Variants in ABCC9 observed in about 807,000 individuals in gnomAD.
ABCC9 encodes ATP-binding cassette sub-family C member 9.
A neutral mutation model predicts 188.3 loss-of-function variants in ABCC9; 95 were observed. The observed-to-expected ratio is 0.50, with a 90% CI of 0.43 to 0.60. ABCC9 has a LOEUF of 0.60. ABCC9 is among the 20% of genes least tolerant of loss of function. The pLI is 0.00. For synonymous variants in ABCC9, 659 were observed against 652.7 expected (o/e 1.01, Z -0.15); for missense variants, 1,102 against 1,876.3 (o/e 0.59, Z 7.62).
At chr12:21,854,170 A>C (rs950654819) in intron 22 of ABCC9, among the ~76,000 whole-genome samples, 2 of 152,258 alleles carry the variant, frequency 1.3e-5, no homozygotes, top group African/African-American at 4.8e-5. Flanking sequence ...AATAATGAAC[A>C]AAACAAAAGT....
At chr12:21,875,361 G>C (rs1265054348) in intron 17 of ABCC9, among the ~76,000 whole-genome samples, 5 of 152,028 alleles carry the variant, frequency 3.3e-5, no homozygotes, top group Non-Finnish European at 7.4e-5. Flanking sequence ...TTTCTTTAAA[G>C]TGTTTCTCAA....
At chr12:21,830,220 G>A (rs974988360) in intron 30 of ABCC9, among the ~76,000 whole-genome samples, 5 of 152,112 alleles carry the variant, frequency 3.3e-5, no homozygotes, top group African/African-American at 1.2e-4. Context: ...AGAAATTCAT[G>A]TTACATGGTA....
At chr12:21,891,220 C>T (rs554322884) in intron 14 of ABCC9, among the ~76,000 whole-genome samples, 3 of 152,088 alleles carry the variant, frequency 2.0e-5, no homozygotes, top group Non-Finnish European at 4.4e-5. Context: ...AATGAATGCA[C>T]ATCCACAGAA....
At chr12:21,855,460 G>T (rs1481919109) in intron 22 of ABCC9, among the ~76,000 whole-genome samples, 4 of 152,080 alleles carry the variant, frequency 2.6e-5, no homozygotes, top group African/African-American at 7.2e-5. Flanking sequence ...GATCTCAACT[G>T]GTCTGCCTGC....
At chr12:21,868,982 T>C (rs1269054203) in intron 18 of ABCC9, among the ~76,000 whole-genome samples, 2 of 152,208 alleles carry the variant, frequency 1.3e-5, no homozygotes, top group African/African-American at 4.8e-5. Context: ...TCCTAAAATA[T>C]GTTTTATCAG....
At chr12:21,915,622 G>A in intron 7 of ABCC9, 46 bp downstream of exon 7, 2 of 1,602,762 alleles carry the variant, frequency 1.2e-6, no homozygotes, top group Non-Finnish European at 1.7e-6. Flanking sequence ...ATGCCAACAG[G>A]ACCATTCTCT....
rs1347920700 is a variant in ABCC9, at chr12:21,913,077, A to C, written c.817-11T>G. 1 of 1,594,400 alleles carries C rather than the reference A, an allele frequency of 6.3e-7. No homozygotes were observed. The highest frequency in any genetic ancestry group is 2.2e-5 in the East Asian group (1 of 44,600). On this transcript the variant is annotated splice_polypyrimidine_tract_variant and intron_variant, in intron 7 of 39. Coordinates refer to ENST00000261200, the MANE Select transcript of ABCC9 (RefSeq NM_020297.4). ...ATCTGCAACTTTTTTCTGAAGAAAA[A>C]AAAAAGAAAAAAAAAACAGATGTAA...
chr12:21,852,069 T>G lies in ABCC9; in HGVS notation c.2769+28A>C, dbSNP rs2307024. 647,447 of 1,611,748 alleles carry G rather than the reference T, an allele frequency of 0.4. 132,466 individuals are homozygous for G. Among genetic ancestry groups the G allele is most frequent in the South Asian group, 0.48 (43,542 of 90,990 alleles). On this transcript the variant is annotated intron_variant, in intron 24 of 39. Transcript: ENST00000261200. The stretch of plus-strand genomic sequence containing the variant: ...TTTCTAACTCTTCTGAATTGGGCTC[T>G]GAACTCTTCTGAACTATGAGCACTT...
chr12:21,928,431 AAAAG>A lies in ABCC9; in HGVS notation c.285-2372_285-2369del, dbSNP rs1283924293. Among the ~76,000 whole-genome samples the A allele has an allele frequency of 5.8e-4, 80 of 139,106 alleles. No homozygotes were observed. The East Asian group carries it at 0.015, about 26-fold the overall frequency. The allele number at this position is 139,106 out of a possible 152,430, so 91.3% of individuals were successfully genotyped here. ...AGGAAGGAAGGAAAGAAGAAAGAAAAAAAGAAAAGAAAAGAAGGGAGGGAGGAAG... is the reference window on the plus strand; with the variant it reads ...AGGAAGGAAGGAAAGAAGAAAGAAAAAAAAGAAAAGAAGGGAGGGAGGAAG... On this transcript the variant is annotated intron_variant, in intron 4 of 39. Transcript: ENST00000261200.
chr12:21,877,639 C>T (rs1415645603), intron 16 of ABCC9, among the ~76,000 whole-genome samples: 1 of 152,042 alleles, frequency 6.6e-6, no homozygotes, highest in Non-Finnish European at 1.5e-5. Context: ...CTAAGAGAGA[C>T]CCTACATGAC....
At chr12:21,850,819 CA>C (rs2137432032) in intron 24 of ABCC9, among the ~76,000 whole-genome samples, 2 of 152,242 alleles carry the variant, frequency 1.3e-5, no homozygotes, top group African/African-American at 4.8e-5. Flanking sequence ...TCCCACAGCA[CA>C]ATTCCTAAGC....
rs544924048 is a variant in ABCC9, at chr12:21,935,254, T to C, written c.142+1279A>G. ...AGTTAAAAAATCCATTTTTCTACTT[T>C]TGGCCAAAGGGCGTTCTTCATGGCC... On this transcript the variant is annotated intron_variant, in intron 3 of 39. Transcript: ENST00000261200. 5.9e-5 allele frequency among the ~76,000 whole-genome samples: 9 copies of C among 152,300 alleles called. No individual in the cohort carries two copies. In the East Asian group the frequency reaches 1.5e-3, roughly 26 times the overall value.
chr12:21,805,062 C>T, intron 39 of ABCC9: 7 of 1,436,816 alleles, frequency 4.9e-6, no homozygotes, highest in Non-Finnish European at 6.8e-6. Flanking sequence ...GCAGTTAGTT[C>T]CCTCATCTCA....
At chr12:21,867,757 A>G (rs1432030108) in intron 18 of ABCC9, among the ~76,000 whole-genome samples, 1 of 150,792 alleles carries the variant, frequency 6.6e-6, no homozygotes, top group Non-Finnish European at 1.5e-5. Flanking sequence ...ATGTTGGGAG[A>G]TAGAATGTCA....
At chr12:21,911,846 A>C (rs1948339566) in intron 8 of ABCC9, among the ~76,000 whole-genome samples, 1 of 152,008 alleles carries the variant, frequency 6.6e-6, no homozygotes, top group African/African-American at 2.4e-5. Flanking sequence ...TTAGGCTAGT[A>C]GGGACAAAAC....
At chr12:21,875,839 CT>C in intron 16 of ABCC9, 113 bp from the exon 17 acceptor site, 1 of 764,442 alleles carries the variant, frequency 1.3e-6, no homozygotes, top group Non-Finnish European at 2.2e-6. Flanking sequence ...AATCACAGCA[CT>C]TTGGGAGACC....
At chr12:21,893,176 A>G (rs903574879) in intron 14 of ABCC9, among the ~76,000 whole-genome samples, 1 of 59,306 alleles carries the variant, frequency 1.7e-5, no homozygotes, top group Non-Finnish European at 3.2e-5. Flanking sequence ...ATAAGTAAAA[A>G]TGGTGGAAAA....
chr12:21,907,926 A>T, intron 11 of ABCC9, 151 bp downstream of exon 11: 1 of 944,740 alleles, frequency 1.1e-6, no homozygotes, highest in South Asian at 1.7e-5. Context: ...TGTTTTTGCA[A>T]CATGGAAAAT....
At chr12:21,907,110 T>C (rs1378730221) in intron 11 of ABCC9, among the ~76,000 whole-genome samples, 1 of 152,096 alleles carries the variant, frequency 6.6e-6, no homozygotes, top group Non-Finnish European at 1.5e-5. Flanking sequence ...TTACAGGGTG[T>C]TTAAATGCCT....
Sources: allele counts gnomAD v4.1 joint callset (sites outside exome capture counted in the v4.1 genomes callset), GRCh38; gene constraint gnomAD v4.1.1; transcripts MANE v1.5; gene names NCBI Gene and HGNC (gene_info 2026-07-23, HGNC 2026-07-21).